AGAP1: variants seen among roughly 807,000 people sequenced by gnomAD.
AGAP1 encodes ArfGAP with GTPase domain, ankyrin repeat and PH domain 1.
AGAP1 carries 29 observed loss-of-function variants against 105.3 expected under a neutral mutation model. The ratio of observed to expected loss-of-function variants is 0.28; its 90% CI spans 0.21 to 0.38. The LOEUF is 0.38. AGAP1 is among the 10% of genes least tolerant of loss of function. AGAP1 has a pLI of 1.00. For synonymous variants in AGAP1, 509 were observed against 485.9 expected (o/e 1.05, Z -0.63); for missense variants, 998 against 1,165.1 (o/e 0.86, Z 2.09).
At chr2:235,653,499 T>C (rs202126870) in intron 1 of AGAP1, among the ~76,000 whole-genome samples, 5 of 130,248 alleles carry the variant, frequency 3.8e-5, no homozygotes, top group African/African-American at 1.3e-4. Context: ...TAAAATAAAA[T>C]ATAACATAAC....
intron 9 of AGAP1, among the ~76,000 whole-genome samples, chr2:235,839,379 G>T (rs560755853): frequency 6.6e-6 from 1 of 152,346 alleles, no homozygotes; most frequent in East Asian, 1.9e-4. Flanking sequence ...TTGGGCCTGG[G>T]TGGGGCCCGG....
In AGAP1 at chr2:236,000,699, G is replaced by A. The variant is rs975551016; in HGVS notation, c.1645+32076G>A. ...AAAACACAGGTGATTTCAGATAGTG[G>A]CACATGCCTGAGGCAATCAGCCCCG... On this transcript the variant is annotated intron_variant, in intron 13 of 17. Coordinates refer to ENST00000304032, the MANE Select transcript of AGAP1 (RefSeq NM_001037131.3). The surrounding 1 kb of genome is among the most constrained non-coding windows in gnomAD (Gnocchi z 4.3). Among the ~76,000 whole-genome samples, 5 of 152,228 alleles carry A rather than the reference G, an allele frequency of 3.3e-5. No homozygotes were observed. Among genetic ancestry groups the A allele is most frequent in the Admixed American group, 3.3e-4 (5 of 15,288 alleles).
At chr2:236,016,228 A>G (rs1488097040) in intron 13 of AGAP1, among the ~76,000 whole-genome samples, 1 of 152,198 alleles carries the variant, frequency 6.6e-6, no homozygotes, top group Non-Finnish European at 1.5e-5. Context: ...GAAAGAGGGA[A>G]AAGAATAGAA....
At chr2:236,033,965 A>G (rs1483367541) in intron 13 of AGAP1, among the ~76,000 whole-genome samples, 1 of 152,206 alleles carries the variant, frequency 6.6e-6, no homozygotes, top group Non-Finnish European at 1.5e-5. Flanking sequence ...AGATTAAACA[A>G]AGTGTGAGCC....
At chr2:235,671,107 C>G in intron 1 of AGAP1, 1 of 1,245,776 alleles carries the variant, frequency 8.0e-7, no homozygotes, top group Admixed American at 4.2e-5. Flanking sequence ...GTGGTGGGGA[C>G]TTGCCGGTTC....
chr2:235,764,049 G>A (rs924130235), intron 6 of AGAP1, among the ~76,000 whole-genome samples: 8 of 151,860 alleles, frequency 5.3e-5, no homozygotes, highest in African/African-American at 1.9e-4. Context: ...GCGTGGCTCC[G>A]GCCCGTGTGT....
At chr2:235,727,002 G>T (rs1951681960) in intron 3 of AGAP1, among the ~76,000 whole-genome samples, 1 of 152,198 alleles carries the variant, frequency 6.6e-6, no homozygotes, top group Non-Finnish European at 1.5e-5. Flanking sequence ...GCCCTTCATG[G>T]TGGTTTCGGT....
chr2:236,031,800 G>A (rs751669032), intron 13 of AGAP1, among the ~76,000 whole-genome samples: 2 of 152,058 alleles, frequency 1.3e-5, no homozygotes, highest in South Asian at 4.2e-4. Context: ...AGTTCCCTGT[G>A]CTCAGAGTCC....
In AGAP1 at chr2:235,994,007, C is replaced by T. The variant is rs574584118; in HGVS notation, c.1645+25384C>T. On this transcript the variant is annotated intron_variant, in intron 13 of 17. Coordinates refer to ENST00000304032, the MANE Select transcript of AGAP1 (RefSeq NM_001037131.3). This position sits in a 1 kb window ranked among gnomAD's most constrained non-coding sequence, Gnocchi z 4.4. ...GTTTTTTTTTAGCTTGGGAAAGTTA[C>T]GATGACCCATAAGCCTGCTCCACAG... Among the ~76,000 whole-genome samples the T allele has an allele frequency of 2.0e-5, 3 of 152,124 alleles. No individual in the cohort carries two copies. Among genetic ancestry groups the T allele is most frequent in the Non-Finnish European group, 2.9e-5 (2 of 68,002 alleles).
chr2:235,603,514 CTT>C (rs991735048), intron 1 of AGAP1, among the ~76,000 whole-genome samples: 1 of 152,134 alleles, frequency 6.6e-6, no homozygotes, highest in African/African-American at 2.4e-5. Context: ...TATTGAATGA[CTT>C]AATGTAGAAT....
At chr2:235,585,279 T>C (rs769965340) in intron 1 of AGAP1, among the ~76,000 whole-genome samples, 1 of 152,160 alleles carries the variant, frequency 6.6e-6, no homozygotes, top group Non-Finnish European at 1.5e-5. Context: ...TTTCCTTGCT[T>C]TTTCCAGCCT....
intron 9 of AGAP1, among the ~76,000 whole-genome samples, chr2:235,812,736 C>G (rs1958222151): frequency 6.6e-6 from 1 of 152,238 alleles, no homozygotes; most frequent in African/African-American, 2.4e-5. Context: ...GCTCCACAGG[C>G]CTGCGGCCTC....
In AGAP1 at chr2:235,691,503, G is replaced by T. The variant is rs1353057721; in HGVS notation, c.164-17676G>T. Among the ~76,000 whole-genome samples, 1 of 152,256 alleles carries T rather than the reference G, an allele frequency of 6.6e-6. No homozygotes were observed. Among genetic ancestry groups the T allele is most frequent in the Admixed American group, 6.5e-5 (1 of 15,290 alleles). ...GTGCCAACATTTAGTCGGATTCTGT[G>T]ACTGGTCGTGAGTCCCTCTTCCTCC... On this transcript the variant is annotated intron_variant, in intron 1 of 17. Coordinates refer to ENST00000304032, the MANE Select transcript of AGAP1 (RefSeq NM_001037131.3). This position sits in a 1 kb window ranked among gnomAD's most constrained non-coding sequence, Gnocchi z 4.4.
chr2:235,997,636 G>C (rs2055876428), intron 13 of AGAP1, among the ~76,000 whole-genome samples: 3 of 152,118 alleles, frequency 2.0e-5, no homozygotes, highest in African/African-American at 7.2e-5. Context: ...AAAGCTTTTG[G>C]TTTATTGTTT....
At chr2:236,016,901 A>G (rs561820490) in intron 13 of AGAP1, among the ~76,000 whole-genome samples, 4 of 152,292 alleles carry the variant, frequency 2.6e-5, no homozygotes, top group South Asian at 4.2e-4. Flanking sequence ...TGAATTTTCA[A>G]TTAAAAGACA....
rs1306151913 is a variant in AGAP1, at chr2:235,621,892, G to A, written c.164-87287G>A. On this transcript the variant is annotated intron_variant, in intron 1 of 17. Coordinates refer to ENST00000304032, the MANE Select transcript of AGAP1 (RefSeq NM_001037131.3). This position sits in a 1 kb window ranked among gnomAD's most constrained non-coding sequence, Gnocchi z 4.1. ...AGGAGGGGTGCGATCGGAAGGGAGT[G>A]CCGCGCAGACCCCCCCACCCCCTCA... Among the ~76,000 whole-genome samples, 1 of 131,734 alleles carries A rather than the reference G, an allele frequency of 7.6e-6. No individual in the cohort carries two copies. Among genetic ancestry groups the A allele is most frequent in the African/African-American group, 2.5e-5 (1 of 39,606 alleles). 86.4% of individuals were successfully genotyped at this position (131,734 alleles called of 152,430 possible).
rs1047815303 is a variant in AGAP1, at chr2:235,789,344, G to A, written c.674-8415G>A. Among the ~76,000 whole-genome samples the A allele has an allele frequency of 3.3e-5, 5 of 152,102 alleles. No homozygotes were observed. Among genetic ancestry groups the A allele is most frequent in the African/African-American group, 7.2e-5 (3 of 41,414 alleles). On this transcript the variant is annotated intron_variant, in intron 6 of 17. Coordinates refer to ENST00000304032, the MANE Select transcript of AGAP1 (RefSeq NM_001037131.3). This position sits in a 1 kb window ranked among gnomAD's most constrained non-coding sequence, Gnocchi z 4.2. ...ACTTTGCTCTGTCCTGAAGGTAACTGTTTATTACAGTCGGCATTTAAATCC... is the reference window on the plus strand; with the variant it reads ...ACTTTGCTCTGTCCTGAAGGTAACTATTTATTACAGTCGGCATTTAAATCC...
At chr2:235,885,858 C>G (rs2050250505) in intron 10 of AGAP1, among the ~76,000 whole-genome samples, 1 of 152,360 alleles carries the variant, frequency 6.6e-6, no homozygotes, top group Middle Eastern at 3.4e-3. Flanking sequence ...TGGATAGATT[C>G]TTACATAGAT....
rs1423661623 is a variant in AGAP1, at chr2:236,113,075, G to A, written c.2115-7117G>A. ...TCCTGCAGCCTTTCTTTTTTCCCAC[G>A]ATTTCCCAAAATACGGCCACCACTC... is the stretch of plus-strand genomic sequence containing the variant. On this transcript the variant is annotated intron_variant, in intron 16 of 17. Transcript: ENST00000304032. The surrounding 1 kb of genome is among the most constrained non-coding windows in gnomAD (Gnocchi z 4.3). 6.6e-6 allele frequency among the ~76,000 whole-genome samples: 1 copy of A among 152,036 alleles called. No homozygotes were observed. Among genetic ancestry groups the A allele is most frequent in the Non-Finnish European group, 1.5e-5 (1 of 68,016 alleles).
Sources: gnomAD v4.1 joint callset for allele counts (sites outside exome capture counted in the v4.1 genomes callset) on GRCh38, gnomAD v4.1.1 for gene constraint, Gnocchi (gnomAD v3.1) non-coding constraint, MANE v1.5 for transcripts, NCBI Gene and HGNC (gene_info 2026-07-23, HGNC 2026-07-21) for gene names.